Variants in LMO7 observed in about 807,000 individuals in gnomAD.
LMO7 encodes LIM domain only protein 7.
A neutral mutation model predicts 206.5 loss-of-function variants in LMO7; 120 were observed. The observed-to-expected ratio is 0.58, with a 90% CI of 0.50 to 0.68. The LOEUF is 0.68. LMO7 is among the 30% of genes least tolerant of loss of function. The pLI is 0.00. For synonymous variants in LMO7, 706 were observed against 681.5 expected (o/e 1.04, Z -0.56); for missense variants, 1,959 against 1,957.9 (o/e 1.00, Z -0.01).
chr13:75,663,432 CTT>C (rs1178254643), intron 1 of LMO7, among the ~76,000 whole-genome samples: 10 of 111,404 alleles, frequency 9.0e-5, no homozygotes, highest in Non-Finnish European at 1.2e-4. Flanking sequence ...TTCTTTCTTT[CTT>C]TTTTTTTTTT....
intron 11 of LMO7, 64 bp from the exon 12 acceptor site, chr13:75,817,097 T>G: frequency 8.8e-7 from 1 of 1,133,060 alleles, no homozygotes; most frequent in East Asian, 2.5e-5. Context: ...AACTCCAACC[T>G]CAGTTTAACC....
intron 1 of LMO7, among the ~76,000 whole-genome samples, chr13:75,643,769 G>A (rs1482391613): frequency 1.3e-5 from 2 of 152,192 alleles, no homozygotes; most frequent in African/African-American, 4.8e-5. Context: ...TTAAAGAGAT[G>A]GACAATAGCA....
At chr13:75,769,774 G>C (rs1191762122) in intron 4 of LMO7, among the ~76,000 whole-genome samples, 3 of 152,074 alleles carry the variant, frequency 2.0e-5, no homozygotes, top group Non-Finnish European at 1.5e-5. Flanking sequence ...GAAGTCCCTA[G>C]ATGCTTATCA....
chr13:75,770,068 G>C (rs1329291870), intron 4 of LMO7, among the ~76,000 whole-genome samples: 1 of 151,916 alleles, frequency 6.6e-6, no homozygotes, highest in Non-Finnish European at 1.5e-5. Context: ...AAATGCCCAA[G>C]AGTAGAGCAC....
upstream of LMO7, chr13:75,635,842 C>G (rs1320436848): frequency 6.6e-6 from 1 of 152,236 alleles, no homozygotes; most frequent in African/African-American, 2.4e-5. Context: ...GCGGCTGGGC[C>G]GGATCGCGGC....
At chr13:75,771,990 C>T (rs922203210) in intron 4 of LMO7, among the ~76,000 whole-genome samples, 6 of 151,938 alleles carry the variant, frequency 3.9e-5, no homozygotes, top group Non-Finnish European at 8.8e-5. Context: ...ATAGTGCAGT[C>T]TAATTCCAGT....
intron 9 of LMO7, 111 bp from the exon 10 acceptor site, chr13:75,807,369 C>A: frequency 9.2e-7 from 1 of 1,084,766 alleles, no homozygotes; most frequent in Non-Finnish European, 1.3e-6. Context: ...GATTTACCCT[C>A]AGTAACTGGC....
chr13:75,784,849 T>C (rs929735204), intron 4 of LMO7, among the ~76,000 whole-genome samples: 6 of 152,194 alleles, frequency 3.9e-5, no homozygotes, highest in African/African-American at 1.4e-4. Flanking sequence ...TCTTGTTTAT[T>C]TTCAGTTGAT....
chr13:75,650,473 C>T (rs149106087), intron 1 of LMO7, among the ~76,000 whole-genome samples: 6 of 151,978 alleles, frequency 3.9e-5, no homozygotes, highest in East Asian at 1.9e-4. Flanking sequence ...CCCCAGAGAT[C>T]CTTGTGCTCA....
intron 1 of LMO7, among the ~76,000 whole-genome samples, chr13:75,667,435 G>T (rs898396448): frequency 2.0e-5 from 3 of 151,932 alleles, no homozygotes; most frequent in African/African-American, 7.3e-5. Context: ...GGTCCCTAAG[G>T]TTCACTTTTG....
At chr13:75,709,931 G>A (rs1006843680) in intron 1 of LMO7, among the ~76,000 whole-genome samples, 1 of 152,098 alleles carries the variant, frequency 6.6e-6, no homozygotes, top group African/African-American at 2.4e-5. Context: ...TATGGTTTTA[G>A]GTCTAACATT....
rs756270771 is a variant in LMO7, at chr13:75,760,958, T to C, written c.237T>C (p.Ala79=). 2.5e-6 allele frequency: 4 copies of C among 1,613,606 alleles called. No homozygotes were observed. In the East Asian group the frequency reaches 6.7e-5, roughly 27 times the overall value. Residue 79 remains alanine (A), a synonymous_variant, in exon 4 of 31, where the codon GCT becomes GCC. Coordinates refer to ENST00000377534, the MANE Select transcript of LMO7 (RefSeq NM_001306080.2). ...GLDNINVFLK[A]CEQIGLKEAQ... ...ATAATATAAACGTTTTCTTGAAAGCTTGTGAACAGATTGGATTGAAAGAAG... is the reference window on the plus strand; with the variant it reads ...ATAATATAAACGTTTTCTTGAAAGCCTGTGAACAGATTGGATTGAAAGAAG...
Position 75,807,953 on chromosome 13 carries a change from TTCTCTGTGTACTTGAAAGGACA to T in LMO7, c.1672_1693del (p.Leu558AlafsTer13). 6.2e-7 allele frequency: 1 copy of T among 1,613,926 alleles called. No individual in the cohort carries two copies. The highest frequency in any genetic ancestry group is 8.5e-7 in the Non-Finnish European group (1 of 1,179,862). On this transcript the variant is annotated frameshift_variant, in exon 10 of 31. Transcript: ENST00000377534. LOFTEE classifies it high-confidence loss of function. ...CTTCCTCCAGAAATTCAAGCAAAAT[TTCTCTGTGTACTTGAAAGGACA>T]TGCCCATCCAAAGAAAAAAGTAATA...
chr13:75,779,004 G>A (rs1226915500), intron 4 of LMO7, among the ~76,000 whole-genome samples: 1 of 152,152 alleles, frequency 6.6e-6, no homozygotes, highest in Non-Finnish European at 1.5e-5. Context: ...ATGAATTCAA[G>A]AGATATTTAG....
chr13:75,656,909 A>C (rs1311108450), intron 1 of LMO7, among the ~76,000 whole-genome samples: 1 of 152,238 alleles, frequency 6.6e-6, no homozygotes, highest in Non-Finnish European at 1.5e-5. Flanking sequence ...GTGTCCCCAC[A>C]AAAAGATATG....
At chr13:75,791,745 G>A (rs2053310565) in intron 4 of LMO7, among the ~76,000 whole-genome samples, 2 of 152,054 alleles carry the variant, frequency 1.3e-5, no homozygotes, top group Admixed American at 1.3e-4. Context: ...TAAATATTGG[G>A]GTCCACTGAT....
At chr13:75,685,515 C>A (rs1467259755) in intron 1 of LMO7, among the ~76,000 whole-genome samples, 1 of 152,162 alleles carries the variant, frequency 6.6e-6, no homozygotes, top group Non-Finnish European at 1.5e-5. Context: ...AGCCTCCAGG[C>A]CTTGTCAACA....
chr13:75,793,854 C>A (rs1190666926), intron 4 of LMO7, among the ~76,000 whole-genome samples: 2 of 152,172 alleles, frequency 1.3e-5, no homozygotes, highest in African/African-American at 4.8e-5. Flanking sequence ...AACCACTACC[C>A]TGACTTCTAA....
intron 3 of LMO7, among the ~76,000 whole-genome samples, chr13:75,759,474 G>T (rs915560789): frequency 6.6e-6 from 1 of 152,080 alleles, no homozygotes; most frequent in South Asian, 2.1e-4. Context: ...AATAAATTGT[G>T]TCTCCTTTTT....
Sources: gnomAD v4.1 joint callset for allele counts (sites outside exome capture counted in the v4.1 genomes callset) on GRCh38, gnomAD v4.1.1 for gene constraint, MANE v1.5 for transcripts, NCBI Gene and HGNC (gene_info 2026-07-23, HGNC 2026-07-21) for gene names.